Variants in TTF1 observed in about 807,000 individuals in gnomAD.
TTF1 encodes transcription termination factor 1.
A neutral mutation model predicts 80.2 loss-of-function variants in TTF1; 64 were observed. The ratio of observed to expected loss-of-function variants is 0.80; its 90% confidence interval spans 0.65 to 0.98. TTF1 has a LOEUF of 0.98. Among genes scored for constraint, TTF1 ranks in the 50% least tolerant of loss-of-function variants. TTF1 has a pLI of 0.00. For missense variants in TTF1, 1,023 were observed against 1,086.2 expected, an observed-to-expected ratio of 0.94 and a Z score of 0.82; for synonymous variants, 372 against 382.7, an observed-to-expected ratio of 0.97 and a Z score of 0.33.
chr9:132,405,195 CTTTTCTTT>C (rs1241014234), intron 1 of TTF1, among the ~76,000 whole-genome samples: 1 of 150,060 alleles, frequency 6.7e-6, no homozygotes, highest in Non-Finnish European at 1.5e-5. Context: ...GATTTCTTTT[CTTTTCTTT>C]TTTTCTTTTT....
chr9:132,389,181 C>CTTTT (rs1849519328), intron 7 of TTF1, among the ~76,000 whole-genome samples: 1 of 147,650 alleles, frequency 6.8e-6, no homozygotes, highest in Non-Finnish European at 1.5e-5. Context: ...ACTCACTCTT[C>CTTTT]CTTTTTTTTT....
chr9:132,401,863 G>A lies in TTF1; in HGVS notation c.959C>T (p.Thr320Ile). ...ATAAGCAGGTGCTGGTATTCCTGCA[G>A]TTTCACCATGCAGGCCCACAGCAGG... is the stretch of plus-strand genomic sequence containing the variant. ...SRPAVGLHGE[T>I]AGIPAPAYKN... is the part of the protein sequence containing the mutation. Residue 320 changes from threonine to isoleucine, a missense_variant, in exon 2 of 11, where the codon ACT (threonine) becomes ATT (isoleucine). Transcript: ENST00000334270. 2 of 1,613,046 alleles carry A rather than the reference G, an allele frequency of 1.2e-6. No homozygotes were observed. The highest frequency in any genetic ancestry group is 1.7e-6 in the Non-Finnish European group (2 of 1,179,836).
At position 132,398,255 on chromosome 9, in the gene TTF1, G is replaced by C. The variant is rs1935990904; in HGVS notation, c.1663C>G (p.Leu555Val). 1 of 1,609,360 alleles carries C rather than the reference G, an allele frequency of 6.2e-7. No homozygotes were observed. The highest frequency in any genetic ancestry group is 1.3e-5 in the African/African-American group (1 of 74,656). Reference protein sequence around the residue: ...KQLEKNVEDFLALTGIESADK... With the variant: ...KQLEKNVEDFVALTGIESADK... ...GCACTCTCAATGCCTGTCAGGGCTAGAAAGTCTTCCACATTTTTCTCTAAC... is the reference window on the plus strand; with the variant it reads ...GCACTCTCAATGCCTGTCAGGGCTACAAAGTCTTCCACATTTTTCTCTAAC... Residue 555 changes from leucine (L) to valine (V), a missense_variant, in exon 4 of 11, where the codon CTA (leucine) becomes GTA (valine). Leu to Val is a conservative substitution (Grantham distance 32). Transcript: ENST00000334270.
intron 2 of TTF1, 78 bp from the exon 3 acceptor site, chr9:132,400,336 T>A: frequency 6.4e-6 from 8 of 1,248,798 alleles, no homozygotes; most frequent in Non-Finnish European, 9.2e-6. Context: ...TCCTTCTTTT[T>A]TTTCGTGAGA....
chr9:132,378,321 G>GGT (rs1184740140), intron 10 of TTF1, among the ~76,000 whole-genome samples: 1 of 136,762 alleles, frequency 7.3e-6, no homozygotes, highest in Non-Finnish European at 1.6e-5. Flanking sequence ...GAGTGCATGT[G>GGT]GTGTGTGTGT....
At chr9:132,403,301 G>A (rs1014803630) in intron 1 of TTF1, among the ~76,000 whole-genome samples, 5 of 152,130 alleles carry the variant, frequency 3.3e-5, no homozygotes, top group African/African-American at 4.8e-5. Flanking sequence ...CTCTCTGTCT[G>A]GTCCCACTGC....
Position 132,401,630 on chromosome 9 carries a change from T to C in TTF1, c.1192A>G (p.Lys398Glu). ...KSKKRKLTSVKRARVSGDDFS... is the reference protein window; with the variant it reads ...KSKKRKLTSVERARVSGDDFS... ...TCATCACCAGACACTCGTGCCCTTT[T>C]GACAGACGTAAGCTTCCTTTTCTTA... The change falls in exon 2 of 11, where the codon AAA (lysine) becomes GAA (glutamate). Residue 398 changes from lysine (K) to glutamate (E), a missense_variant. Lys to Glu is a moderately conservative substitution (Grantham distance 56). Coordinates refer to ENST00000334270, the MANE Select transcript of TTF1 (RefSeq NM_007344.4). The C allele has an allele frequency of 1.2e-6, 2 of 1,614,230 alleles. No individual in the cohort carries two copies. The highest frequency in any genetic ancestry group is 1.7e-6 in the Non-Finnish European group (2 of 1,180,044).
rs546962163 is a variant in TTF1 at position 132,379,176 on chromosome 9, A to T, written c.2379-32T>A. On this transcript the variant is annotated intron_variant, in intron 9 of 10. Coordinates refer to ENST00000334270, the MANE Select transcript of TTF1 (RefSeq NM_007344.4). ...AAAAGGAAAGAAAAGATAAAAAGCA[A>T]GTTAGTTTAAAAATCTATCATTTCA... The T allele has an allele frequency of 3.3e-6, 5 of 1,526,444 alleles. No homozygotes were observed. The South Asian group carries it at 4.7e-5, about 14-fold the overall frequency. 94.6% of individuals were successfully genotyped at this position (1,526,444 alleles called of 1,614,324 possible). A position where few individuals can be genotyped will look rare whatever the true frequency, so the allele number is the denominator to read the frequency against.
At position 132,398,267 on chromosome 9, in the gene TTF1, C is replaced by A; in HGVS notation, c.1651G>T (p.Val551Leu). 1.2e-6 allele frequency: 2 copies of A among 1,609,368 alleles called. No individual in the cohort carries two copies. Among genetic ancestry groups the A allele is most frequent in the Non-Finnish European group, 8.5e-7 (1 of 1,178,416 alleles). The change falls in exon 4 of 11, where the codon GTG (valine) becomes TTG (leucine). Residue 551 changes from valine to leucine, a missense_variant. Physicochemically the swap from Val to Leu is conservative, Grantham distance 32. Transcript: ENST00000334270. ...CCTGTCAGGGCTAGAAAGTCTTCCA[C>A]ATTTTTCTCTAACTGCTTATTTTCC... Reference protein sequence around the residue: ...VKENKQLEKNVEDFLALTGIE... With the variant: ...VKENKQLEKNLEDFLALTGIE...
At chr9:132,379,811 C>T (rs1209129952) in intron 9 of TTF1, among the ~76,000 whole-genome samples, 2 of 152,178 alleles carry the variant, frequency 1.3e-5, no homozygotes, top group African/African-American at 4.8e-5. Context: ...TTTCAATTTA[C>T]AATAAGTGGG....
In TTF1 at chr9:132,395,412, CTG is replaced by C. The variant is rs967162724; in HGVS notation, c.1856+1019_1856+1020del. 9.9e-5 allele frequency among the ~76,000 whole-genome samples: 15 copies of C among 152,124 alleles called. No individual in the cohort carries two copies. In the South Asian group the frequency reaches 1.9e-3, roughly 19 times the overall value. ...AAAAATTACTCTAAAAATTTCATTC[CTG>C]TGTGTGTGTCACAGGTGGAAATATA... is the stretch of plus-strand genomic sequence containing the variant. On this transcript the variant is annotated intron_variant, in intron 5 of 10. Transcript: ENST00000334270.
chr9:132,388,337 C>CT, intron 7 of TTF1, 109 bp from the exon 8 acceptor site: 2 of 695,310 alleles, frequency 2.9e-6, no homozygotes, highest in South Asian at 2.1e-5. Flanking sequence ...CAACTTCTAA[C>CT]TTTTCTTTTT....
chr9:132,401,441 C>A lies in TTF1; in HGVS notation c.1367+14G>T. 1.9e-6 allele frequency: 3 copies of A among 1,588,706 alleles called. No homozygotes were observed. Among genetic ancestry groups the A allele is most frequent in the Non-Finnish European group, 2.6e-6 (3 of 1,166,732 alleles). ...AGAAATATACCAGCAGCTGGAATACCACTCCCTCGTTACCTTGGCGCCTCT... is the reference window on the plus strand; with the variant it reads ...AGAAATATACCAGCAGCTGGAATACAACTCCCTCGTTACCTTGGCGCCTCT... On this transcript the variant is annotated intron_variant, in intron 2 of 10. Coordinates refer to ENST00000334270, the MANE Select transcript of TTF1 (RefSeq NM_007344.4).
chr9:132,394,326 CT>C (rs1432085128), intron 5 of TTF1, among the ~76,000 whole-genome samples: 3 of 151,818 alleles, frequency 2.0e-5, no homozygotes, highest in Non-Finnish European at 4.4e-5. Context: ...GTTTCCCAGG[CT>C]GGAGTGCAGT....
intron 6 of TTF1, among the ~76,000 whole-genome samples, chr9:132,391,111 C>CAAT (rs571678623): frequency 4.3e-4 from 66 of 152,290 alleles, no homozygotes; most frequent in African/African-American, 1.5e-3. Context: ...TTTCTGAGAA[C>CAAT]GTCTCCCGCA....
chr9:132,394,045 C>T (rs1364972232), intron 5 of TTF1, among the ~76,000 whole-genome samples: 1 of 151,890 alleles, frequency 6.6e-6, no homozygotes, highest in African/African-American at 2.4e-5. Context: ...CCTCAGCCTC[C>T]CAAGTAGCTG....
chr9:132,379,181 G>C (rs766759691), intron 9 of TTF1, 37 bp from the exon 10 acceptor site: 18 of 1,504,734 alleles, frequency 1.2e-5, no homozygotes, highest in Non-Finnish European at 1.5e-5. Flanking sequence ...AAGCAAGTTA[G>C]TTTAAAAATC....
At chr9:132,403,666 CT>C (rs1312303596) in intron 1 of TTF1, among the ~76,000 whole-genome samples, 1 of 146,444 alleles carries the variant, frequency 6.8e-6, no homozygotes, top group Non-Finnish European at 1.5e-5. Context: ...GTCTTCTCTG[CT>C]TTAAAAAAAA....
In TTF1 at chr9:132,402,512, C is replaced by G; in HGVS notation, c.310G>C (p.Val104Leu). 1 of 1,614,196 alleles carries G rather than the reference C, an allele frequency of 6.2e-7. No individual in the cohort carries two copies. The highest frequency in any genetic ancestry group is 2.2e-5 in the East Asian group (1 of 44,884). The change falls in exon 2 of 11, where the codon GTT becomes CTT. Residue 104 changes from valine to leucine, a missense_variant. Transcript: ENST00000334270. Reference sequence around the variant, plus strand: ...ATATTTTCTTTATCCACAAGGACAACTGTAACACCTGCTTCCTCGTCCACC... The same window carrying G: ...ATATTTTCTTTATCCACAAGGACAAGTGTAACACCTGCTTCCTCGTCCACC... ...LEVDEEAGVT[V>L]VLVDKENINN...
Sources: allele counts gnomAD v4.1 joint callset (sites outside exome capture counted in the v4.1 genomes callset), GRCh38; gene constraint gnomAD v4.1.1; transcripts MANE v1.5; gene names NCBI Gene and HGNC (gene_info 2026-07-23, HGNC 2026-07-21).